B3GLCT: variants seen among roughly 807,000 people sequenced by gnomAD.
B3GLCT encodes beta 3-glucosyltransferase.
A neutral mutation model predicts 63.4 loss-of-function variants in B3GLCT; 65 were observed. The observed-to-expected ratio is 1.03, with a 90% CI of 0.84 to 1.26. The LOEUF (loss-of-function observed/expected upper bound fraction) is 1.26. Among genes scored for constraint, B3GLCT ranks in the 50% most tolerant of loss-of-function variants. B3GLCT has a pLI of 0.00. For missense variants in B3GLCT, 577 were observed against 604.8 expected (o/e 0.95, Z 0.48); for synonymous variants, 233 against 219.2 (o/e 1.06, Z -0.55).
chr13:31,226,736 G>A (rs1417997021), intron 3 of B3GLCT, among the ~76,000 whole-genome samples: 2 of 151,722 alleles, frequency 1.3e-5, no homozygotes, highest in Admixed American at 1.3e-4. Context: ...TGCCCAGCTA[G>A]GATTAACCTT....
intron 4 of B3GLCT, among the ~76,000 whole-genome samples, chr13:31,231,595 T>C (rs935840049): frequency 2.0e-5 from 3 of 152,180 alleles, no homozygotes; most frequent in African/African-American, 7.2e-5. Context: ...TCTGTGCAAA[T>C]GGATATTCAT....
At position 31,229,273 on chromosome 13, in the gene B3GLCT, G is replaced by A; in HGVS notation, c.249G>A (p.Lys83=). The A allele has an allele frequency of 6.2e-7, 1 of 1,610,498 alleles. No homozygotes were observed. The highest frequency in any genetic ancestry group is 8.5e-7 in the Non-Finnish European group (1 of 1,176,722). ...RAEQLKKSIL[K]QAADLTQELP... is the part of the protein sequence containing the mutation. ...AGCAGTTAAAAAAAAGCATCTTAAA[G>A]CAGGCTGCAGATCTTACACAGGTAC... Residue 83 remains lysine (K), a synonymous_variant, in exon 4 of 15, where the codon AAG becomes AAA. Transcript: ENST00000343307.
rs112404129 is a variant in B3GLCT at position 31,327,642 on chromosome 13, T to C, written c.1330-1859T>C. Reference sequence around the variant, plus strand: ...CTTCTAACGGAATTGAGAGGATGTTTCTCCTTGGTTTTCTTCCTTGCCAGT... The same window carrying C: ...CTTCTAACGGAATTGAGAGGATGTTCCTCCTTGGTTTTCTTCCTTGCCAGT... On this transcript the variant is annotated intron_variant, in intron 14 of 14. Transcript: ENST00000343307. 6.6e-3 allele frequency among the ~76,000 whole-genome samples: 998 copies of C among 152,310 alleles called. 8 individuals carry two copies. Among genetic ancestry groups the C allele is most frequent in the Non-Finnish European group, 0.011 (774 of 68,032 alleles).
At chr13:31,211,251 T>A (rs1408526936) in intron 1 of B3GLCT, among the ~76,000 whole-genome samples, 1 of 152,012 alleles carries the variant, frequency 6.6e-6, no homozygotes, top group Non-Finnish European at 1.5e-5. Context: ...AAAAATTAGC[T>A]GGGCATGGTG....
At chr13:31,326,570 C>T (rs748373322) in intron 14 of B3GLCT, among the ~76,000 whole-genome samples, 1 of 152,090 alleles carries the variant, frequency 6.6e-6, no homozygotes, top group Non-Finnish European at 1.5e-5. Context: ...CCTGAGCCAC[C>T]ACACCTGGCT....
At chr13:31,314,727 G>A (rs1353084914) in intron 12 of B3GLCT, among the ~76,000 whole-genome samples, 1 of 152,196 alleles carries the variant, frequency 6.6e-6, no homozygotes, top group Admixed American at 6.5e-5. Flanking sequence ...TGTTGGGAAA[G>A]CATGATTGGT....
At chr13:31,250,707 C>T (rs1871386046) in intron 6 of B3GLCT, among the ~76,000 whole-genome samples, 1 of 152,148 alleles carries the variant, frequency 6.6e-6, no homozygotes, top group South Asian at 2.1e-4. Flanking sequence ...AGGCAGCAGC[C>T]CCAGTCAGAG....
At position 31,261,056 on chromosome 13, in the gene B3GLCT, G is replaced by T. The variant is rs759120028; in HGVS notation, c.570G>T (p.Trp190Cys). 1 of 1,613,612 alleles carries T rather than the reference G, an allele frequency of 6.2e-7. No individual in the cohort carries two copies. Among genetic ancestry groups the T allele is most frequent in the East Asian group, 2.2e-5 (1 of 44,854 alleles). ...VFKYPDFAAG[W>C]ALSIPLVNKL... ...AGTATCCAGACTTTGCTGCAGGCTGGGCCTTAAGTATTCCACTTGTAAACA... is the reference window on the plus strand; with the variant it reads ...AGTATCCAGACTTTGCTGCAGGCTGTGCCTTAAGTATTCCACTTGTAAACA... Residue 190 changes from tryptophan to cysteine, a missense_variant, in exon 7 of 15, where the codon TGG (tryptophan) becomes TGT (cysteine). Physicochemically the swap from Trp to Cys is radical, Grantham distance 215. Coordinates refer to ENST00000343307, the MANE Select transcript of B3GLCT (RefSeq NM_194318.4).
chr13:31,289,957 G>C (rs1873569714), intron 12 of B3GLCT, among the ~76,000 whole-genome samples: 1 of 151,644 alleles, frequency 6.6e-6, no homozygotes, highest in Non-Finnish European at 1.5e-5. Flanking sequence ...ATGGTGGTTT[G>C]CTGCACTCAT....
intron 3 of B3GLCT, among the ~76,000 whole-genome samples, chr13:31,226,146 C>A (rs552745424): frequency 1.7e-4 from 26 of 152,294 alleles, no homozygotes; most frequent in Admixed American, 7.2e-4. Context: ...TCCTTGCACT[C>A]GCCCCCGATT....
intron 12 of B3GLCT, among the ~76,000 whole-genome samples, chr13:31,288,410 C>G (rs1298054896): frequency 6.6e-6 from 1 of 152,182 alleles, no homozygotes; most frequent in Non-Finnish European, 1.5e-5. Flanking sequence ...TTACTAGCTT[C>G]TAAGCAAGCA....
intron 12 of B3GLCT, among the ~76,000 whole-genome samples, chr13:31,288,015 G>A (rs144225394): frequency 6.6e-6 from 1 of 152,292 alleles, no homozygotes; most frequent in East Asian, 1.9e-4. Context: ...GACAATTTCA[G>A]GTGGCCTTGA....
At chr13:31,266,200 GT>G (rs1566070996) in intron 7 of B3GLCT, among the ~76,000 whole-genome samples, 2 of 151,824 alleles carry the variant, frequency 1.3e-5, no homozygotes, top group East Asian at 3.9e-4. Flanking sequence ...GGGTTTCACC[GT>G]GTTAGCCAGG....
At chr13:31,322,330 A>G (rs908175051) in intron 13 of B3GLCT, among the ~76,000 whole-genome samples, 4 of 152,276 alleles carry the variant, frequency 2.6e-5, no homozygotes, top group African/African-American at 9.6e-5. Flanking sequence ...TTCCCTTCCT[A>G]CATCGTCTTG....
intron 7 of B3GLCT, among the ~76,000 whole-genome samples, chr13:31,268,315 T>A (rs1303798378): frequency 6.6e-6 from 1 of 152,200 alleles, no homozygotes; most frequent in African/African-American, 2.4e-5. Context: ...TAATATGTTG[T>A]CTAATTCATT....
intron 14 of B3GLCT, among the ~76,000 whole-genome samples, chr13:31,324,779 A>G (rs1023512693): frequency 2.0e-5 from 3 of 152,122 alleles, no homozygotes; most frequent in Non-Finnish European, 4.4e-5. Flanking sequence ...AACGTGGCTC[A>G]CTGCAGACTT....
chr13:31,321,015 A>G (rs1378085323), intron 13 of B3GLCT, among the ~76,000 whole-genome samples: 2 of 152,158 alleles, frequency 1.3e-5, no homozygotes, highest in African/African-American at 4.8e-5. Context: ...TTAATTGCCT[A>G]TTTACTTTTC....
At chr13:31,324,036 C>T (rs1875479082) in intron 14 of B3GLCT, 141 bp downstream of exon 14, 1 of 1,115,052 alleles carries the variant, frequency 9.0e-7, no homozygotes, top group Non-Finnish European at 1.4e-6. Flanking sequence ...ATGTCCTTAA[C>T]CAGGACTGTT....
At chr13:31,203,554 AG>A (rs1480198174) in intron 1 of B3GLCT, among the ~76,000 whole-genome samples, 2 of 152,216 alleles carry the variant, frequency 1.3e-5, no homozygotes, top group Non-Finnish European at 2.9e-5. Context: ...TTTTGGAGCC[AG>A]GTTTTTTTGG....
Sources: allele counts gnomAD v4.1 joint callset (sites outside exome capture counted in the v4.1 genomes callset), GRCh38; gene constraint gnomAD v4.1.1; transcripts MANE v1.5; gene names NCBI Gene and HGNC (gene_info 2026-07-23, HGNC 2026-07-21).